Variants in CSNK1G1 observed in about 807,000 individuals in gnomAD.
CSNK1G1 encodes the protein casein kinase I isoform gamma-1.
In CSNK1G1, 22 loss-of-function variants were observed where a neutral mutation model predicts 59.6. The observed-to-expected ratio is 0.37, with a 90% CI of 0.26 to 0.53. The LOEUF is 0.53. Ranked by LOEUF, CSNK1G1 falls within the 20% of genes least tolerant of loss-of-function variation. CSNK1G1 has a pLI of 0.89. For synonymous variants in CSNK1G1, 179 were observed against 177.1 expected, an observed-to-expected ratio of 1.01 and a Z score of -0.08; for missense variants, 384 against 519.5, an observed-to-expected ratio of 0.74 and a Z score of 2.54.
At chr15:64,311,331 C>T (rs547821179) in intron 1 of CSNK1G1, among the ~76,000 whole-genome samples, 1 of 152,252 alleles carries the variant, frequency 6.6e-6, no homozygotes, top group Non-Finnish European at 1.5e-5. Context: ...CAGGCATGAG[C>T]CACCATGCCC....
intron 10 of CSNK1G1, among the ~76,000 whole-genome samples, chr15:64,184,913 G>T (rs1422371663): frequency 6.6e-6 from 1 of 152,160 alleles, no homozygotes. Flanking sequence ...AAATGTCACT[G>T]TGAGGAGAAA....
chr15:64,185,168 C>T (rs1253224376), intron 10 of CSNK1G1, among the ~76,000 whole-genome samples: 1 of 152,206 alleles, frequency 6.6e-6, no homozygotes, highest in Non-Finnish European at 1.5e-5. Context: ...TATGTTGGAA[C>T]AGGAGCCTTC....
At chr15:64,220,248 C>G (rs2082369760) in intron 4 of CSNK1G1, among the ~76,000 whole-genome samples, 1 of 150,714 alleles carries the variant, frequency 6.6e-6, no homozygotes, top group African/African-American at 2.4e-5. Context: ...GCACCTGCCA[C>G]CATGCCTGGA....
intron 11 of CSNK1G1, among the ~76,000 whole-genome samples, chr15:64,178,759 T>G (rs1371879507): frequency 3.3e-5 from 5 of 150,232 alleles, no homozygotes; most frequent in Non-Finnish European, 7.4e-5. Context: ...GGATTACACG[T>G]GTGAGCCACT....
chr15:64,266,921 A>G (rs78792976), intron 2 of CSNK1G1, among the ~76,000 whole-genome samples: 2,566 of 152,268 alleles, frequency 0.017, 82 homozygotes, highest in African/African-American at 0.058. Flanking sequence ...AGAATAAAAC[A>G]CAAGGGAAAT....
intron 1 of CSNK1G1, among the ~76,000 whole-genome samples, chr15:64,320,888 G>A (rs1370170923): frequency 6.6e-6 from 1 of 151,952 alleles, no homozygotes; most frequent in African/African-American, 2.4e-5. Context: ...AGTGAAATAT[G>A]GCTTTTTAAA....
In CSNK1G1 at chr15:64,326,341, A is replaced by C. The variant is rs1394112985; in HGVS notation, c.-224-25618T>G. Reference sequence around the variant, plus strand: ...ATGCCTGGCCCAAGAAAATATTTTTAACATTTAAAAAAGTAGTTTAGGCCA... The same window carrying C: ...ATGCCTGGCCCAAGAAAATATTTTTCACATTTAAAAAAGTAGTTTAGGCCA... On this transcript the variant is annotated intron_variant, in intron 1 of 11. Coordinates refer to ENST00000303052, the MANE Select transcript of CSNK1G1 (RefSeq NM_022048.5). Among the ~76,000 whole-genome samples, 10 of 152,154 alleles carry C rather than the reference A, an allele frequency of 6.6e-5. No individual in the cohort carries two copies. In the East Asian group the frequency reaches 1.7e-3, roughly 26 times the overall value.
chr15:64,242,694 G>T (rs1008041238), intron 4 of CSNK1G1, among the ~76,000 whole-genome samples: 1 of 152,038 alleles, frequency 6.6e-6, no homozygotes, highest in Non-Finnish European at 1.5e-5. Flanking sequence ...TAAAACATTA[G>T]AAAAGTGAAG....
intron 8 of CSNK1G1, 84 bp from the exon 9 acceptor site, chr15:64,204,673 G>A: frequency 7.1e-7 from 1 of 1,416,324 alleles, no homozygotes. Flanking sequence ...CCACAAAGGG[G>A]TTATTTATAC....
chr15:64,260,010 G>GT (rs1892609075), intron 2 of CSNK1G1, among the ~76,000 whole-genome samples: 4 of 152,106 alleles, frequency 2.6e-5, no homozygotes, highest in African/African-American at 4.8e-5. Context: ...TTCACTTACT[G>GT]AACCTGTAAT....
chr15:64,270,027 G>T (rs1430847636), intron 2 of CSNK1G1, among the ~76,000 whole-genome samples: 1 of 152,006 alleles, frequency 6.6e-6, no homozygotes, highest in Non-Finnish European at 1.5e-5. Flanking sequence ...GGCTGGTCTT[G>T]AACTCCTGAC....
At chr15:64,301,514 A>C (rs1895338664) in intron 1 of CSNK1G1, among the ~76,000 whole-genome samples, 1 of 152,204 alleles carries the variant, frequency 6.6e-6, no homozygotes. Context: ...TTCTTAACAA[A>C]AAAAAAAATA....
chr15:64,230,996 T>C, intron 4 of CSNK1G1, among the ~76,000 whole-genome samples: 1 of 150,982 alleles, frequency 6.6e-6, no homozygotes, highest in Middle Eastern at 3.5e-3. Flanking sequence ...AAATAAATAA[T>C]AAAATAAAAT....
chr15:64,199,933 T>TA (rs752183177), intron 10 of CSNK1G1, among the ~76,000 whole-genome samples: 8 of 152,094 alleles, frequency 5.3e-5, no homozygotes, highest in Admixed American at 2.6e-4. Context: ...TTTTAAAAAA[T>TA]AAAAAATATT....
chr15:64,348,659 T>C (rs1424296646), intron 1 of CSNK1G1, among the ~76,000 whole-genome samples: 2 of 152,080 alleles, frequency 1.3e-5, no homozygotes, highest in Non-Finnish European at 2.9e-5. Context: ...GAGTGACCTC[T>C]AGGAAATGGA....
At chr15:64,180,312 C>T (rs774360230) in intron 11 of CSNK1G1, 36 bp downstream of exon 11, 1 of 1,508,450 alleles carries the variant, frequency 6.6e-7, no homozygotes, top group African/African-American at 1.4e-5. Context: ...ATTTTTCAAC[C>T]CATGACTTAA....
At chr15:64,262,065 G>C (rs1892723668) in intron 2 of CSNK1G1, among the ~76,000 whole-genome samples, 3 of 152,092 alleles carry the variant, frequency 2.0e-5, no homozygotes, top group Admixed American at 2.0e-4. Flanking sequence ...TAAGATCTGT[G>C]ATTTTGCATG....
intron 1 of CSNK1G1, among the ~76,000 whole-genome samples, chr15:64,321,058 A>G (rs561193862): frequency 1.3e-5 from 2 of 152,270 alleles, no homozygotes; most frequent in Non-Finnish European, 2.9e-5. Flanking sequence ...TGCTCTCTAT[A>G]GAGAAATTCA....
At chr15:64,187,337 A>G (rs959877054) in intron 10 of CSNK1G1, among the ~76,000 whole-genome samples, 3 of 150,466 alleles carry the variant, frequency 2.0e-5, no homozygotes, top group African/African-American at 7.3e-5. Flanking sequence ...GATTACAGGT[A>G]TGCGCCACCG....
Sources: gnomAD v4.1 joint callset for allele counts (sites outside exome capture counted in the v4.1 genomes callset) on GRCh38, gnomAD v4.1.1 for gene constraint, MANE v1.5 for transcripts, NCBI Gene and HGNC (gene_info 2026-07-23, HGNC 2026-07-21) for gene names.